NRIP1: variants seen among roughly 807,000 people sequenced by gnomAD.
NRIP1 encodes nuclear receptor interacting protein 1.
A neutral mutation model predicts 75.0 loss-of-function variants in NRIP1; 28 were observed. The observed-to-expected ratio is 0.37, with a 90% CI of 0.28 to 0.51. The LOEUF (loss-of-function observed/expected upper bound fraction) is 0.51, where lower values mean the gene tolerates loss of function less well. Ranked by LOEUF, NRIP1 falls within the 20% of genes least tolerant of loss-of-function variation. The pLI is 0.92. For synonymous variants in NRIP1, 526 were observed against 487.6 expected (o/e 1.08, Z -1.04); for missense variants, 1,435 against 1,343.7 (o/e 1.07, Z -1.06).
At chr21:14,981,196 T>C (rs891335333) in intron 3 of NRIP1, among the ~76,000 whole-genome samples, 1 of 152,234 alleles carries the variant, frequency 6.6e-6, no homozygotes, top group African/African-American at 2.4e-5. Context: ...AACATTAAAG[T>C]ATGTCTGTCA....
At chr21:15,008,661 A>G (rs1397700157) in intron 3 of NRIP1, among the ~76,000 whole-genome samples, 1 of 152,176 alleles carries the variant, frequency 6.6e-6, no homozygotes, top group African/African-American at 2.4e-5. Context: ...TAGTCTACAA[A>G]CACAAAAGCA....
intron 3 of NRIP1, among the ~76,000 whole-genome samples, chr21:14,977,329 G>A (rs901585910): frequency 6.6e-5 from 10 of 152,134 alleles, no homozygotes; most frequent in Admixed American, 2.0e-4. Flanking sequence ...CCAAAGCAGG[G>A]CTTTGAAAGG....
At chr21:15,003,171 A>C (rs2087887929) in intron 3 of NRIP1, among the ~76,000 whole-genome samples, 1 of 152,328 alleles carries the variant, frequency 6.6e-6, no homozygotes, top group South Asian at 2.1e-4. Flanking sequence ...AACAACATAC[A>C]TTGCCACATT....
At chr21:15,032,202 A>G (rs1305534217) in intron 2 of NRIP1, among the ~76,000 whole-genome samples, 1 of 152,230 alleles carries the variant, frequency 6.6e-6, no homozygotes, top group Non-Finnish European at 1.5e-5. Flanking sequence ...ATTAATAACA[A>G]AGCCAGAACT....
chr21:15,003,940 G>A (rs2087906059), intron 3 of NRIP1, among the ~76,000 whole-genome samples: 1 of 152,164 alleles, frequency 6.6e-6, no homozygotes, highest in African/African-American at 2.4e-5. Context: ...CAGACTCCAG[G>A]CAAGGGCAGG....
Position 15,049,785 on chromosome 21 carries a change from T to C in NRIP1, c.-537-6211A>G, listed in dbSNP as rs77054492. Among the ~76,000 whole-genome samples, 1,862 of 152,226 alleles carry C rather than the reference T, an allele frequency of 0.012. 206 individuals carry two copies. The East Asian group carries it at 0.26, about 21-fold the overall frequency. ...TAATGAAAAAAAAGCTATGATATTA[T>C]AAAATTCATGCTTCTTCATTTTCTC... On this transcript the variant is annotated intron_variant, in intron 1 of 3. Coordinates refer to ENST00000318948, the MANE Select transcript of NRIP1 (RefSeq NM_003489.4).
At chr21:15,010,996 T>C (rs1027614264) in intron 3 of NRIP1, among the ~76,000 whole-genome samples, 1 of 152,248 alleles carries the variant, frequency 6.6e-6, no homozygotes, top group African/African-American at 2.4e-5. Flanking sequence ...ACCCAGATTA[T>C]AAATTGATCT....
At chr21:15,023,008 AG>A (rs1403102595) in intron 2 of NRIP1, among the ~76,000 whole-genome samples, 1 of 152,244 alleles carries the variant, frequency 6.6e-6, no homozygotes, top group Non-Finnish European at 1.5e-5. Flanking sequence ...TGGAATGTAC[AG>A]AATAGGCAAA....
intron 2 of NRIP1, among the ~76,000 whole-genome samples, chr21:15,041,212 T>C (rs12627439): frequency 0.16 from 24,881 of 152,058 alleles, 2,518 homozygotes; most frequent in Admixed American, 0.24. Flanking sequence ...CTTACAGACA[T>C]AATGTTGATA....
intron 2 of NRIP1, among the ~76,000 whole-genome samples, chr21:15,020,211 A>C (rs1225106661): frequency 6.6e-6 from 1 of 152,190 alleles, no homozygotes; most frequent in African/African-American, 2.4e-5. Flanking sequence ...ACATACTATA[A>C]ATCTATATGG....
intron 1 of NRIP1, among the ~76,000 whole-genome samples, chr21:15,056,173 G>A (rs1430077918): frequency 6.6e-6 from 1 of 151,868 alleles, no homozygotes; most frequent in Non-Finnish European, 1.5e-5. Context: ...TCTAAGATAG[G>A]TGTGCTTAAA....
At chr21:14,995,915 A>C (rs1208907673) in intron 3 of NRIP1, among the ~76,000 whole-genome samples, 1 of 152,194 alleles carries the variant, frequency 6.6e-6, no homozygotes, top group Admixed American at 6.5e-5. Flanking sequence ...TTAAGAATAA[A>C]GTCTGAATTC....
intron 3 of NRIP1, among the ~76,000 whole-genome samples, chr21:14,981,732 T>C (rs868199474): frequency 1.3e-5 from 2 of 152,178 alleles, no homozygotes; most frequent in African/African-American, 2.4e-5. Flanking sequence ...CACTGAAAAC[T>C]AAAATCTTTA....
At position 14,966,619 on chromosome 21, in the gene NRIP1, T is replaced by C. The variant is rs961026153; in HGVS notation, c.1574A>G (p.Asp525Gly). 6.2e-7 allele frequency: 1 copy of C among 1,614,052 alleles called. No individual in the cohort carries two copies. The highest frequency in any genetic ancestry group is 1.3e-5 in the African/African-American group (1 of 74,928). Residue 525 changes from aspartate (D) to glycine (G), a missense_variant, in exon 4 of 4, where the codon GAT becomes GGT. Physicochemically the swap from Asp to Gly is moderately conservative, Grantham distance 94. Coordinates refer to ENST00000318948, the MANE Select transcript of NRIP1 (RefSeq NM_003489.4). ...KNTSPQGVHN[D>G]VSKFNTQNYA... ...ATTTTGTGTATTGAACTTGCTCACA[T>C]CATTGTGTACTCCCTGAGGGCTGGT...
intron 3 of NRIP1, among the ~76,000 whole-genome samples, chr21:14,986,912 A>G (rs1318912208): frequency 6.6e-6 from 1 of 152,212 alleles, no homozygotes; most frequent in Non-Finnish European, 1.5e-5. Flanking sequence ...TACTGTTTTC[A>G]TAATAGCATG....
intron 2 of NRIP1, among the ~76,000 whole-genome samples, chr21:15,040,155 C>T (rs2088922336): frequency 6.6e-6 from 1 of 152,074 alleles, no homozygotes; most frequent in Non-Finnish European, 1.5e-5. Flanking sequence ...ATTCAGAGAG[C>T]TGTGCGTCAA....
chr21:15,032,558 A>C (rs1463466844), intron 2 of NRIP1, among the ~76,000 whole-genome samples: 2 of 152,180 alleles, frequency 1.3e-5, no homozygotes, highest in Non-Finnish European at 2.9e-5. Flanking sequence ...AAACCTTCTC[A>C]CCATATTCTC....
chr21:15,055,525 C>T (rs1035870333), intron 1 of NRIP1, among the ~76,000 whole-genome samples: 1 of 152,042 alleles, frequency 6.6e-6, no homozygotes, highest in African/African-American at 2.4e-5. Context: ...AAATAAGGTA[C>T]TAGAACAAAA....
chr21:14,983,864 T>C (rs1349415276), intron 3 of NRIP1, among the ~76,000 whole-genome samples: 1 of 152,228 alleles, frequency 6.6e-6, no homozygotes, highest in Non-Finnish European at 1.5e-5. Flanking sequence ...CTGAATATTT[T>C]AAGCCCGCTG....
Sources: allele counts gnomAD v4.1 joint callset (sites outside exome capture counted in the v4.1 genomes callset), GRCh38; gene constraint gnomAD v4.1.1; transcripts MANE v1.5; gene names NCBI Gene and HGNC (gene_info 2026-07-23, HGNC 2026-07-21).